Variants in KCNMB1 observed in about 807,000 individuals in gnomAD.
The protein encoded by KCNMB1 is calcium-activated potassium channel subunit beta-1.
In KCNMB1, 22 loss-of-function variants were observed where a neutral mutation model predicts 21.7. The observed-to-expected ratio is 1.01, with a 90% confidence interval of 0.72 to 1.45. The LOEUF is 1.45. Among genes scored for constraint, KCNMB1 ranks in the 40% most tolerant of loss-of-function variants. The pLI is 0.00. For synonymous variants in KCNMB1, 114 were observed against 107.6 expected (o/e 1.06, Z -0.37); for missense variants, 243 against 243.4 (o/e 1.00, Z 0.01).
intron 1 of KCNMB1, among the ~76,000 whole-genome samples, chr5:170,388,279 T>G (rs1764567583): frequency 6.6e-6 from 1 of 152,210 alleles, no homozygotes; most frequent in African/African-American, 2.4e-5. Flanking sequence ...TAAATCCTCC[T>G]AAGACCATGC....
intron 2 of KCNMB1, 58 bp from the exon 3 acceptor site, chr5:170,383,908 C>T: frequency 6.4e-7 from 1 of 1,569,194 alleles, no homozygotes; most frequent in South Asian, 1.2e-5. Flanking sequence ...ACACACAGAA[C>T]ACCCATTTGA....
Position 170,375,148 on chromosome 5 carries a change from A to C in KCNMB1, c.*3556T>G, listed in dbSNP as rs1244416199. 1 of 152,192 alleles carries C rather than the reference A, an allele frequency of 6.6e-6. No individual in the cohort carries two copies. The highest frequency in any genetic ancestry group is 1.5e-5 in the Non-Finnish European group (1 of 68,028). The allele number at this position is 152,192 out of a possible 1,614,324, so 9.4% of individuals were successfully genotyped here. ...ATTTTTGAGATAATTGTAGATTCAC[A>C]TGAAGCTTTACGAAATAATACAGAG... On this transcript the variant is annotated 3_prime_UTR_variant, in exon 4 of 4. Transcript: ENST00000274629.
intron 3 of KCNMB1, among the ~76,000 whole-genome samples, chr5:170,381,915 C>T (rs527858441): frequency 4.6e-5 from 7 of 152,308 alleles, no homozygotes; most frequent in African/African-American, 7.2e-5. Context: ...CTCTCTCCAC[C>T]GGGTGGGGCC....
chr5:170,382,024 C>T (rs985080884), intron 3 of KCNMB1, among the ~76,000 whole-genome samples: 2 of 152,120 alleles, frequency 1.3e-5, no homozygotes, highest in African/African-American at 4.8e-5. Context: ...AGCCTCCACG[C>T]CCCATCCCAG....
At chr5:170,383,335 A>C (rs952294069) in intron 3 of KCNMB1, 16 of 567,544 alleles carry the variant, frequency 2.8e-5, no homozygotes, top group Non-Finnish European at 4.7e-5. Flanking sequence ...TTGAGTGCCC[A>C]CTATCCACTC....
At chr5:170,383,999 C>T (rs1764364669) in intron 2 of KCNMB1, 149 bp from the exon 3 acceptor site, 1 of 736,604 alleles carries the variant, frequency 1.4e-6, no homozygotes, top group South Asian at 1.8e-5. Context: ...AATAAAGGCA[C>T]ATGACCCCAC....
rs1581133529 is a variant in KCNMB1 at position 170,383,879 on chromosome 5, C to T, written c.135-29G>A. The T allele has an allele frequency of 1.9e-6, 3 of 1,610,098 alleles. No individual in the cohort carries two copies. The African/African-American group carries it at 4.0e-5, about 22-fold the overall frequency. On this transcript the variant is annotated intron_variant, in intron 2 of 3. Transcript: ENST00000274629. ...AGGAGACCACACACATGCACACATA[C>T]ACATCTCAGAACTGGGTGACACACA... is the stretch of plus-strand genomic sequence containing the variant.
chr5:170,388,024 C>A (rs549889263), intron 1 of KCNMB1, among the ~76,000 whole-genome samples: 8 of 152,238 alleles, frequency 5.3e-5, no homozygotes, highest in South Asian at 2.1e-4. Context: ...ATCAGCCCCC[C>A]CCAGCGCCCA....
At chr5:170,383,466 G>T in intron 3 of KCNMB1, 1 of 630,620 alleles carries the variant, frequency 1.6e-6, no homozygotes, top group Non-Finnish European at 2.9e-6. Flanking sequence ...TAAGTGGCCT[G>T]CCTATGTTTA....
intron 1 of KCNMB1, among the ~76,000 whole-genome samples, chr5:170,388,698 T>G (rs1764587498): frequency 6.6e-6 from 1 of 152,208 alleles, no homozygotes; most frequent in Non-Finnish European, 1.5e-5. Context: ...AGGGCGATTC[T>G]GAGGTCCTCA....
At position 170,376,738 on chromosome 5, in the gene KCNMB1, A is replaced by G. The variant is rs1764020858; in HGVS notation, c.*1966T>C. On this transcript the variant is annotated 3_prime_UTR_variant, in exon 4 of 4. Coordinates refer to ENST00000274629, the MANE Select transcript of KCNMB1 (RefSeq NM_004137.4). ...ATGGCTGCATAATATTCCATGACGTATACGTACCACATTTTCTTTAATAAT... is the reference window on the plus strand; with the variant it reads ...ATGGCTGCATAATATTCCATGACGTGTACGTACCACATTTTCTTTAATAAT... The G allele has an allele frequency of 6.6e-6, 1 of 152,232 alleles. No individual in the cohort carries two copies. The highest frequency in any genetic ancestry group is 2.1e-4 in the South Asian group (1 of 4,834). 9.4% of individuals were successfully genotyped at this position (152,232 alleles called of 1,614,324 possible).
intron 1 of KCNMB1, among the ~76,000 whole-genome samples, chr5:170,386,993 A>G (rs1212062659): frequency 6.6e-6 from 1 of 152,016 alleles, no homozygotes; most frequent in Non-Finnish European, 1.5e-5. Context: ...ACAGCCCCTC[A>G]ATCTATGCCG....
chr5:170,386,468 C>T (rs1226337642), intron 1 of KCNMB1, among the ~76,000 whole-genome samples: 1 of 152,196 alleles, frequency 6.6e-6, no homozygotes, highest in Admixed American at 6.5e-5. Flanking sequence ...TTTGCTACAA[C>T]AGTCATAGGT....
At chr5:170,382,434 C>T (rs1285552298) in intron 3 of KCNMB1, among the ~76,000 whole-genome samples, 1 of 152,136 alleles carries the variant, frequency 6.6e-6, no homozygotes, top group African/African-American at 2.4e-5. Context: ...TGATCAAAGG[C>T]CTCTGGGAAC....
At chr5:170,384,013 C>A (rs1029196829) in intron 2 of KCNMB1, among the ~76,000 whole-genome samples, 163 bp from the exon 3 acceptor site, 11 of 152,192 alleles carry the variant, frequency 7.2e-5, no homozygotes, top group Non-Finnish European at 1.3e-4. Flanking sequence ...ACCCCACAGT[C>A]CCCGGACACA....
rs1763939508 is a variant in KCNMB1 at position 170,374,711 on chromosome 5, C to T, written c.*3993G>A. On this transcript the variant is annotated 3_prime_UTR_variant, in exon 4 of 4. Transcript: ENST00000274629. ...TTTATTAAGAACTGATGAAGGTTCT[C>T]TGCTCCCAGGCAGATATTATTGCAA... The T allele has an allele frequency of 6.6e-6, 1 of 152,198 alleles. No homozygotes were observed. Among genetic ancestry groups the T allele is most frequent in the Non-Finnish European group, 1.5e-5 (1 of 68,038 alleles). The allele number at this position is 152,198 out of a possible 1,614,324, so 9.4% of individuals were successfully genotyped here.
rs771101151 is a variant in KCNMB1, at chr5:170,378,906, G to T, written c.374C>A (p.Ala125Asp). 6.2e-7 allele frequency: 1 copy of T among 1,614,246 alleles called. No homozygotes were observed. The highest frequency in any genetic ancestry group is 2.2e-5 in the East Asian group (1 of 44,880). ...GAAGACCTGCTGCTCTTGGAATTTGGCTCTGACCTTCTCCACGTCGGCCCG... is the reference window on the plus strand; with the variant it reads ...GAAGACCTGCTGCTCTTGGAATTTGTCTCTGACCTTCTCCACGTCGGCCCG... ...TARADVEKVR[A>D]KFQEQQVFYC... is the part of the protein sequence containing the mutation. The change falls in exon 4 of 4, where the codon GCC becomes GAC. Residue 125 changes from alanine (A) to aspartate (D), a missense_variant. By Grantham distance (126) the Ala-to-Asp change is moderately radical. Coordinates refer to ENST00000274629, the MANE Select transcript of KCNMB1 (RefSeq NM_004137.4).
rs550120060 is a variant in KCNMB1, at chr5:170,378,736, G to T, written c.544C>A (p.Gln182Lys). 1.2e-6 allele frequency: 2 copies of T among 1,613,978 alleles called. No individual in the cohort carries two copies. The highest frequency in any genetic ancestry group is 1.3e-5 in the African/African-American group (1 of 75,030). Reference sequence around the variant, plus strand: ...TGGGCCGCCAGGATGGACAGGTACTGGTTGCTCTTCACCATGGCGATAATG... The same window carrying T: ...TGGGCCGCCAGGATGGACAGGTACTTGTTGCTCTTCACCATGGCGATAATG... ...LLIIAMVKSN[Q>K]YLSILAAQK The change falls in exon 4 of 4, where the codon CAG becomes AAG. Residue 182 changes from glutamine to lysine, a missense_variant. Coordinates refer to ENST00000274629, the MANE Select transcript of KCNMB1 (RefSeq NM_004137.4).
At chr5:170,379,398 TG>T in intron 3 of KCNMB1, among the ~76,000 whole-genome samples, 1 of 152,304 alleles carries the variant, frequency 6.6e-6, no homozygotes, top group Non-Finnish European at 1.5e-5. Flanking sequence ...ACAGGCCAAG[TG>T]GGCTGTGTAT....
Sources: gnomAD v4.1 joint callset for allele counts (sites outside exome capture counted in the v4.1 genomes callset) on GRCh38, gnomAD v4.1.1 for gene constraint, MANE v1.5 for transcripts, NCBI Gene and HGNC (gene_info 2026-07-23, HGNC 2026-07-21) for gene names.